The following LGMN variants were observed in gnomAD, a reference collection of about 807,000 sequenced individuals.
LGMN encodes legumain.
In LGMN, 36 loss-of-function variants were observed where a neutral mutation model predicts 56.8. That is an observed-to-expected ratio of 0.63 (90% confidence interval 0.49 to 0.84). The LOEUF (loss-of-function observed/expected upper bound fraction) is 0.84. Among genes scored for constraint, LGMN ranks in the 40% least tolerant of loss-of-function variants. LGMN has a pLI of 0.00. For synonymous variants in LGMN, 199 were observed against 210.1 expected, an observed-to-expected ratio of 0.95 and a Z score of 0.46; for missense variants, 446 against 556.1, an observed-to-expected ratio of 0.80 and a Z score of 1.99.
chr14:92,746,949 T>A lies in LGMN; in HGVS notation c.-30+1540A>T, dbSNP rs577518199. The stretch of plus-strand genomic sequence containing the variant: ...TACTCGGGAGGCCGAGGCAGGAGAA[T>A]GGCGTGGACCTGGGAGGCGGAGCTT... On this transcript the variant is annotated intron_variant, in intron 1 of 13. Transcript: ENST00000334869. Among the ~76,000 whole-genome samples, 401 of 145,154 alleles carry A rather than the reference T, an allele frequency of 2.8e-3. 2 individuals carry two copies. The highest frequency in any genetic ancestry group is 9.7e-3 in the African/African-American group (377 of 38,706).
intron 1 of LGMN, chr14:92,741,804 A>T (rs1435827841): frequency 1.3e-5 from 2 of 152,328 alleles, no homozygotes; most frequent in Non-Finnish European, 2.9e-5. Context: ...CAGCGGTTGC[A>T]GTGAGCTGAG....
intron 1 of LGMN, among the ~76,000 whole-genome samples, chr14:92,742,250 T>C (rs962107117): frequency 4.6e-5 from 7 of 151,856 alleles, no homozygotes; most frequent in African/African-American, 1.5e-4. Flanking sequence ...CTCTCTCCTA[T>C]TGCAGTAGCT....
In LGMN at chr14:92,716,145, A is replaced by G; in HGVS notation, c.395T>C (p.Val132Ala). 6.2e-7 allele frequency: 1 copy of G among 1,610,326 alleles called. No individual in the cohort carries two copies. The part of the protein sequence containing the change: ...EAVKGIGSGK[V>A]LKSGPQDHVF... ...CGTAAACAGACATTACCTCTTCAGG[A>G]CTTTGCCGGATCCTATGCCCTTCAC... The change falls in exon 5 of 14, where the codon GTC (valine) becomes GCC (alanine). Residue 132 changes from valine to alanine, a missense_variant. Val to Ala is a moderately conservative substitution (Grantham distance 64, BLOSUM62 0). Transcript: ENST00000334869.
intron 1 of LGMN, among the ~76,000 whole-genome samples, chr14:92,746,115 C>T (rs1304335804): frequency 6.6e-6 from 1 of 152,156 alleles, no homozygotes; most frequent in African/African-American, 2.4e-5. Context: ...GCCACCGCGC[C>T]CAGCGAGAAT....
At chr14:92,707,944 G>A (rs1374681975) in intron 11 of LGMN, among the ~76,000 whole-genome samples, 1 of 152,114 alleles carries the variant, frequency 6.6e-6, no homozygotes, top group African/African-American at 2.4e-5. Context: ...TTGAGGCCAG[G>A]AGTTTGAGAC....
At chr14:92,745,181 A>C (rs923900395) in intron 1 of LGMN, among the ~76,000 whole-genome samples, 1 of 152,210 alleles carries the variant, frequency 6.6e-6, no homozygotes, top group African/African-American at 2.4e-5. Flanking sequence ...TCAATGCTTA[A>C]TAACTTCTCC....
intron 1 of LGMN, among the ~76,000 whole-genome samples, chr14:92,739,161 G>GCTA (rs2140275595): frequency 6.6e-6 from 1 of 152,238 alleles, no homozygotes; most frequent in African/African-American, 2.4e-5. Context: ...CCTCAAAGTA[G>GCTA]CTACCTTACA....
At chr14:92,742,834 C>CAGTA (rs1471023775) in intron 1 of LGMN, 1 of 151,992 alleles carries the variant, frequency 6.6e-6, no homozygotes, top group Non-Finnish European at 1.5e-5. Context: ...CACTCAAACC[C>CAGTA]AGTAGTTCCA....
chr14:92,720,663 G>A (rs1325636945), intron 2 of LGMN, among the ~76,000 whole-genome samples: 7 of 152,132 alleles, frequency 4.6e-5, no homozygotes, highest in Admixed American at 2.0e-4. Flanking sequence ...GCAAAACTCT[G>A]TCGATTGTTA....
intron 11 of LGMN, among the ~76,000 whole-genome samples, chr14:92,708,310 G>A (rs1033936924): frequency 1.3e-5 from 2 of 151,972 alleles, no homozygotes; most frequent in African/African-American, 2.4e-5. Context: ...AGAGTATAAA[G>A]AGGTTTGGCC....
intron 2 of LGMN, among the ~76,000 whole-genome samples, chr14:92,727,429 CAAAAAAA>C (rs35889328): frequency 2.1e-5 from 1 of 47,990 alleles, no homozygotes; most frequent in Non-Finnish European, 3.9e-5. Flanking sequence ...GACTGCCTCA[CAAAAAAA>C]AAAAAAAAAA....
chr14:92,712,791 C>A lies in LGMN; in HGVS notation c.610+14G>T, dbSNP rs939869939. 1.9e-6 allele frequency: 3 copies of A among 1,612,804 alleles called. No individual in the cohort carries two copies. In the African/African-American group the frequency reaches 4.0e-5, roughly 22 times the overall value. On this transcript the variant is annotated intron_variant, in intron 8 of 13. Coordinates refer to ENST00000334869, the MANE Select transcript of LGMN (RefSeq NM_005606.7). Reference sequence around the variant, plus strand: ...TTGCCAGCCCAGGTCGAGGCCGGCGCCCCAACCACCTACCATTGATGTTAT... The same window carrying A: ...TTGCCAGCCCAGGTCGAGGCCGGCGACCCAACCACCTACCATTGATGTTAT...
At chr14:92,733,393 C>A (rs1478377110) in intron 1 of LGMN, among the ~76,000 whole-genome samples, 3 of 152,044 alleles carry the variant, frequency 2.0e-5, no homozygotes, top group Non-Finnish European at 4.4e-5. Flanking sequence ...GGGCTCTGGG[C>A]ACTTTTTAAA....
chr14:92,729,664 C>T (rs886547572), intron 2 of LGMN, among the ~76,000 whole-genome samples: 7 of 152,134 alleles, frequency 4.6e-5, no homozygotes, highest in African/African-American at 1.7e-4. Flanking sequence ...TTGTGTTAAT[C>T]CAAGGAAAAT....
chr14:92,732,757 A>G lies in LGMN; in HGVS notation c.30T>C (p.Ser10=), dbSNP rs1891117166. The part of the protein sequence containing the change: MVWKVAVFL[S]VALGIGAVPI... ...GAACGGCACCAATGCCCAGGGCCACACTGAGGAATACAGCTACTTTCCAAA... is the reference window on the plus strand; with the variant it reads ...GAACGGCACCAATGCCCAGGGCCACGCTGAGGAATACAGCTACTTTCCAAA... The change falls in exon 2 of 14, where the codon AGT becomes AGC. Residue 10 remains serine, a synonymous_variant. Transcript: ENST00000334869. 2 of 1,614,050 alleles carry G rather than the reference A, an allele frequency of 1.2e-6. No homozygotes were observed. The highest frequency in any genetic ancestry group is 2.7e-5 in the African/African-American group (2 of 74,936).
chr14:92,747,782 C>A (rs773326569), intron 1 of LGMN, among the ~76,000 whole-genome samples: 1 of 152,174 alleles, frequency 6.6e-6, no homozygotes, highest in African/African-American at 2.4e-5. Flanking sequence ...TAGTCAACTA[C>A]CCTGGGCACT....
chr14:92,709,860 T>C lies in LGMN; in HGVS notation c.832A>G (p.Met278Val), dbSNP rs1353714946. Residue 278 changes from methionine (M) to valine (V), a missense_variant, in exon 11 of 14, where the codon ATG (methionine) becomes GTG (valine). Met to Val is a conservative substitution (Grantham distance 21). Transcript: ENST00000334869. ...MQYGNKTIST[M>V]KVMQFQGMKR... ...ATACCCTGAAACTGCATCACTTTCA[T>C]GGTGGAGATTGTCTGGGGAGACAGA... The C allele has an allele frequency of 1.2e-6, 2 of 1,604,644 alleles. No individual in the cohort carries two copies. Among genetic ancestry groups the C allele is most frequent in the Non-Finnish European group, 1.7e-6 (2 of 1,174,284 alleles).
intron 10 of LGMN, among the ~76,000 whole-genome samples, chr14:92,711,388 TG>T (rs1326518830): frequency 6.6e-6 from 1 of 152,172 alleles, no homozygotes; most frequent in East Asian, 1.9e-4. Context: ...CTAGCTACCT[TG>T]TACGCTTGGG....
intron 11 of LGMN, among the ~76,000 whole-genome samples, chr14:92,708,500 T>G (rs1889561153): frequency 6.6e-6 from 1 of 152,176 alleles, no homozygotes; most frequent in Admixed American, 6.5e-5. Flanking sequence ...TATACTGCGT[T>G]TGACACCAAC....
Sources: gnomAD v4.1 joint callset for allele counts (sites outside exome capture counted in the v4.1 genomes callset) on GRCh38, gnomAD v4.1.1 for gene constraint, MANE v1.5 for transcripts, NCBI Gene and HGNC (gene_info 2026-07-23, HGNC 2026-07-21) for gene names.